Variants in ABCG1 observed in about 807,000 individuals in gnomAD.
ABCG1 encodes ATP-binding cassette sub-family G member 1.
Under a neutral mutation model 69.2 loss-of-function variants are expected in ABCG1, and 29 were observed. That is an observed-to-expected ratio of 0.42 (90% CI 0.31 to 0.57). ABCG1 has a LOEUF of 0.57. Ranked by LOEUF, ABCG1 falls within the 20% of genes least tolerant of loss-of-function variation. The pLI is 0.15. For missense variants in ABCG1, 718 were observed against 898.1 expected (o/e 0.80, Z 2.56); for synonymous variants, 370 against 374.8 (o/e 0.99, Z 0.15).
At chr21:42,260,123 C>A in intron 2 of ABCG1, 1 of 1,550,418 alleles carries the variant, frequency 6.4e-7, no homozygotes, top group Admixed American at 2.0e-5. Flanking sequence ...GGTTTCCTGG[C>A]GATCCCATGG....
In ABCG1 at chr21:42,288,609, G is replaced by T. The variant is rs62217184; in HGVS notation, c.1224+297G>T. ...GTAATCCCAGCTACTCAGGAGGCTG[G>T]GGCAGGAGAACTGCTTGAACCCAGG... On this transcript the variant is annotated intron_variant, in intron 10 of 14. Coordinates refer to ENST00000398449, the MANE Select transcript of ABCG1 (RefSeq NM_016818.3). This position sits in a 1 kb window ranked among gnomAD's most constrained non-coding sequence, Gnocchi z 4.8. Among the ~76,000 whole-genome samples, 2 of 152,020 alleles carry T rather than the reference G, an allele frequency of 1.3e-5. No homozygotes were observed. The highest frequency in any genetic ancestry group is 4.8e-5 in the African/African-American group (2 of 41,370).
upstream of ABCG1, among the ~76,000 whole-genome samples, chr21:42,215,716 G>A (rs2067632331): frequency 6.6e-6 from 1 of 152,172 alleles, no homozygotes; most frequent in African/African-American, 2.4e-5. Context: ...GAGAGACTGG[G>A]GGCATCTGGT....
At chr21:42,284,292 C>CACCT (rs2068894010) in intron 6 of ABCG1, among the ~76,000 whole-genome samples, 1 of 152,286 alleles carries the variant, frequency 6.6e-6, no homozygotes, top group African/African-American at 2.4e-5. Flanking sequence ...GGGACCCCCC[C>CACCT]CCAGTCCTGG....
chr21:42,282,476 G>A lies in ABCG1; in HGVS notation c.734+57G>A, dbSNP rs987460818. 9 of 1,553,620 alleles carry A rather than the reference G, an allele frequency of 5.8e-6. No homozygotes were observed. The Admixed American group carries it at 1.5e-4, about 26-fold the overall frequency. ...GGGCAGGAAGAACCCCCTGTATTCAGCGGTTCTTCCAGGTGACCCTGACAT... is the reference window on the plus strand; with the variant it reads ...GGGCAGGAAGAACCCCCTGTATTCAACGGTTCTTCCAGGTGACCCTGACAT... On this transcript the variant is annotated intron_variant, in intron 6 of 14. Coordinates refer to ENST00000398449, the MANE Select transcript of ABCG1 (RefSeq NM_016818.3).
In ABCG1 at chr21:42,276,837, C is replaced by T; in HGVS notation, c.538-58C>T. 20 of 1,585,428 alleles carry T rather than the reference C, an allele frequency of 1.3e-5. No homozygotes were observed. The highest frequency in any genetic ancestry group is 1.7e-5 in the Non-Finnish European group (20 of 1,155,114). On this transcript the variant is annotated intron_variant, in intron 4 of 14. Coordinates refer to ENST00000398449, the MANE Select transcript of ABCG1 (RefSeq NM_016818.3). The surrounding 1 kb of genome is among the most constrained non-coding windows in gnomAD (Gnocchi z 5.3). Reference sequence around the variant, plus strand: ...CGTGGCCTGCAGTGCGGGCATGAGGCTCACACTGCCAGTGGCCGTCTGTTC... The same window carrying T: ...CGTGGCCTGCAGTGCGGGCATGAGGTTCACACTGCCAGTGGCCGTCTGTTC...
rs2069222616 is a variant in ABCG1, at chr21:42,296,883, C to G, written c.*491C>G. 1.8e-5 allele frequency: 3 copies of G among 163,320 alleles called. No homozygotes were observed. Among genetic ancestry groups the G allele is most frequent in the Non-Finnish European group, 4.1e-5 (3 of 73,554 alleles). The allele number at this position is 163,320 out of a possible 1,614,324, so 10.1% of individuals were successfully genotyped here. The stretch of plus-strand genomic sequence containing the variant: ...ACATTTTCATCTTTCTAAGGTGTGT[C>G]TCTTTTCCAATGAGAAGTCATTTTT... On this transcript the variant is annotated 3_prime_UTR_variant, in exon 15 of 15. Transcript: ENST00000398449. This position sits in a 1 kb window ranked among gnomAD's most constrained non-coding sequence, Gnocchi z 5.4.
upstream of ABCG1, among the ~76,000 whole-genome samples, chr21:42,215,393 C>T (rs547738275): frequency 1.3e-5 from 2 of 152,206 alleles, no homozygotes; most frequent in East Asian, 3.9e-4. Flanking sequence ...AAATCAGACA[C>T]TTCTAAAATG....
At chr21:42,267,147 T>TG (rs2068519111) in intron 2 of ABCG1, among the ~76,000 whole-genome samples, 1 of 152,136 alleles carries the variant, frequency 6.6e-6, no homozygotes, top group South Asian at 2.1e-4. Context: ...TAAAGATAAA[T>TG]GGGGAGTGGA....
chr21:42,267,437 G>GTGGTCCGAGTTCTGTCTGGGTC lies in ABCG1; in HGVS notation c.287-3627_287-3606dup, dbSNP rs1317472528. ...GGTCTGATCTGGGTTCTGTCTGGGT[G>GTGGTCCGAGTTCTGTCTGGGTC]TGGTCCGAGTTCTGTCTGGGTCTGG... On this transcript the variant is annotated intron_variant, in intron 2 of 14. Coordinates refer to ENST00000398449, the MANE Select transcript of ABCG1 (RefSeq NM_016818.3). Among the ~76,000 whole-genome samples, 817 of 149,538 alleles carry GTGGTCCGAGTTCTGTCTGGGTC rather than the reference G, an allele frequency of 5.5e-3. 7 individuals carry two copies. Among genetic ancestry groups the GTGGTCCGAGTTCTGTCTGGGTC allele is most frequent in the African/African-American group, 0.019 (780 of 40,064 alleles).
At chr21:42,252,870 C>T (rs899006048) in intron 2 of ABCG1, among the ~76,000 whole-genome samples, 1 of 152,192 alleles carries the variant, frequency 6.6e-6, no homozygotes, top group Admixed American at 6.5e-5. Flanking sequence ...TCCCTGACAT[C>T]ATCCCCGCCC....
chr21:42,200,843 C>T (rs1343924120), intron 1 of ABCG1, among the ~76,000 whole-genome samples: 1 of 152,134 alleles, frequency 6.6e-6, no homozygotes, highest in Non-Finnish European at 1.5e-5. Context: ...CCTGCCTCGA[C>T]CTCCCAAAGT....
At position 42,219,876 on chromosome 21, in the gene ABCG1, C is replaced by A. The variant is rs1355842974; in HGVS notation, c.42+572C>A. The A allele has an allele frequency of 2.6e-6, 4 of 1,537,306 alleles. No individual in the cohort carries two copies. The highest frequency in any genetic ancestry group is 3.5e-6 in the Non-Finnish European group (4 of 1,142,436). On this transcript the variant is annotated intron_variant, in intron 1 of 14. Transcript: ENST00000398449. This position sits in a 1 kb window ranked among gnomAD's most constrained non-coding sequence, Gnocchi z 5.3. Reference sequence around the variant, plus strand: ...CTCCCGGACCCACTCGGGGAGGCGGCGGCGAAGGCCCGGGGAGACCCGCGA... The same window carrying A: ...CTCCCGGACCCACTCGGGGAGGCGGAGGCGAAGGCCCGGGGAGACCCGCGA...
intron 2 of ABCG1, among the ~76,000 whole-genome samples, chr21:42,263,885 C>T (rs759512250): frequency 7.2e-5 from 11 of 152,212 alleles, no homozygotes; most frequent in Non-Finnish European, 1.2e-4. Flanking sequence ...TTGCCTGAGA[C>T]GGGATGTTGC....
intron 1 of ABCG1, among the ~76,000 whole-genome samples, chr21:42,221,891 C>G (rs1274058832): frequency 1.3e-5 from 2 of 152,184 alleles, no homozygotes; most frequent in Non-Finnish European, 2.9e-5. Flanking sequence ...CTGACTGCTA[C>G]AGACCCTCCC....
rs373801263 is a variant in ABCG1, at chr21:42,297,026, G to A, written c.*634G>A. 1.9e-5 allele frequency: 3 copies of A among 155,728 alleles called. No homozygotes were observed. Among genetic ancestry groups the A allele is most frequent in the Admixed American group, 1.2e-4 (2 of 16,216 alleles). 9.6% of individuals were successfully genotyped at this position (155,728 alleles called of 1,614,324 possible). A position where few individuals can be genotyped will look rare whatever the true frequency, so the allele number is the denominator to read the frequency against. ...GTTTAGAGAGGCGAGGGGTTTAACC[G>A]AGTCACCCAGCTGGTCTCATACATA... On this transcript the variant is annotated 3_prime_UTR_variant, in exon 15 of 15. Transcript: ENST00000398449.
At chr21:42,203,878 A>G (rs1162662145) in intron 2 of ABCG1, among the ~76,000 whole-genome samples, 1 of 152,124 alleles carries the variant, frequency 6.6e-6, no homozygotes, top group Non-Finnish European at 1.5e-5. Context: ...CAATCTATAA[A>G]CAGTATTTCT....
chr21:42,225,575 A>G, intron 1 of ABCG1, 96 bp from the exon 2 acceptor site: 1 of 1,476,270 alleles, frequency 6.8e-7, no homozygotes, highest in African/African-American at 1.4e-5. Flanking sequence ...GTTGCTATTA[A>G]TAACCAATGA....
upstream of ABCG1, among the ~76,000 whole-genome samples, chr21:42,212,480 G>A (rs751851792): frequency 2.0e-5 from 3 of 152,164 alleles, no homozygotes; most frequent in Non-Finnish European, 4.4e-5. Flanking sequence ...ACAGAAATGA[G>A]GAACGTGTTA....
rs374349785 is a variant in ABCG1 at position 42,286,959 on chromosome 21, C to T, written c.974-930C>T. ...TTTGGAGCCCTTGAGGATGACTTTC[C>T]GGTGGGGCCAATGTGTCCTGGTTTG... On this transcript the variant is annotated intron_variant, in intron 8 of 14. Coordinates refer to ENST00000398449, the MANE Select transcript of ABCG1 (RefSeq NM_016818.3). Among the ~76,000 whole-genome samples, 12 of 152,228 alleles carry T rather than the reference C, an allele frequency of 7.9e-5. No homozygotes were observed. In the East Asian group the frequency reaches 1.4e-3, roughly 17 times the overall value.
Sources: allele counts gnomAD v4.1 joint callset (sites outside exome capture counted in the v4.1 genomes callset), GRCh38; gene constraint gnomAD v4.1.1; non-coding constraint Gnocchi (gnomAD v3.1); transcripts MANE v1.5; gene names NCBI Gene and HGNC (gene_info 2026-07-23, HGNC 2026-07-21).